MECOM: variants seen among roughly 807,000 people sequenced by gnomAD.
MECOM encodes MDS1 and EVI1 complex locus, also known as histone-lysine N-methyltransferase MECOM.
MECOM carries 13 observed loss-of-function variants against 116.3 expected under a neutral mutation model. The ratio of observed to expected loss-of-function variants is 0.11; its 90% CI spans 0.07 to 0.18. MECOM has a LOEUF of 0.18. Among genes scored for constraint, MECOM ranks in the 10% least tolerant of loss-of-function variants. MECOM has a pLI of 1.00. For synonymous variants in MECOM, 528 were observed against 535.2 expected (o/e 0.99, Z 0.19); for missense variants, 1,299 against 1,509.0 (o/e 0.86, Z 2.31).
chr3:169,087,318 G>T (rs528833660), intron 16 of MECOM, among the ~76,000 whole-genome samples: 54 of 152,206 alleles, frequency 3.5e-4, no homozygotes, highest in African/African-American at 1.2e-3. Context: ...CCATGGCCAG[G>T]TGCAATGGGT....
At chr3:169,513,782 C>A (rs1205751273) in intron 1 of MECOM, among the ~76,000 whole-genome samples, 2 of 152,190 alleles carry the variant, frequency 1.3e-5, no homozygotes, top group East Asian at 1.9e-4. Flanking sequence ...GTCACACTGA[C>A]ACATTAATGG....
intron 2 of MECOM, among the ~76,000 whole-genome samples, chr3:169,270,333 T>C (rs943329644): frequency 6.6e-6 from 1 of 152,146 alleles, no homozygotes; most frequent in Non-Finnish European, 1.5e-5. Context: ...TTGCTCACTT[T>C]CATGGATTAT....
chr3:169,098,231 T>G (rs1038326532), intron 12 of MECOM, among the ~76,000 whole-genome samples: 7 of 152,186 alleles, frequency 4.6e-5, no homozygotes, highest in African/African-American at 1.4e-4. Context: ...TTTTCTCCAG[T>G]GCTCTTTTTC....
At chr3:169,427,296 T>C (rs1007635995) in intron 1 of MECOM, among the ~76,000 whole-genome samples, 3 of 152,152 alleles carry the variant, frequency 2.0e-5, no homozygotes, top group Non-Finnish European at 4.4e-5. Context: ...TAGCTCTTAA[T>C]GTAGTATAAT....
intron 1 of MECOM, among the ~76,000 whole-genome samples, chr3:169,414,960 C>G (rs552081124): frequency 1.3e-5 from 2 of 152,300 alleles, no homozygotes; most frequent in East Asian, 3.9e-4. Flanking sequence ...AAACACACTT[C>G]AGGATATTAT....
chr3:169,323,318 C>T (rs1197761046), intron 2 of MECOM, among the ~76,000 whole-genome samples: 1 of 152,076 alleles, frequency 6.6e-6, no homozygotes, highest in Non-Finnish European at 1.5e-5. Context: ...GTGTGTTTCC[C>T]TTCTAGAGGC....
At chr3:169,275,411 T>C (rs1408290360) in intron 2 of MECOM, among the ~76,000 whole-genome samples, 2 of 152,190 alleles carry the variant, frequency 1.3e-5, no homozygotes, top group East Asian at 3.8e-4. Flanking sequence ...GAAATGGTTA[T>C]CTAGGTGTTG....
intron 9 of MECOM, among the ~76,000 whole-genome samples, chr3:169,109,807 A>G (rs73167910): frequency 0.063 from 9,593 of 152,192 alleles, 448 homozygotes; most frequent in South Asian, 0.2. Flanking sequence ...AATTCAATAT[A>G]TTTTTATTTA....
intron 1 of MECOM, among the ~76,000 whole-genome samples, chr3:169,502,260 G>A (rs186140979): frequency 1.8e-4 from 27 of 152,144 alleles, no homozygotes; most frequent in Admixed American, 9.2e-4. Context: ...TCCTTTCTGT[G>A]AACTTGATGC....
chr3:169,093,430 G>T (rs1037849148), intron 13 of MECOM, among the ~76,000 whole-genome samples: 2 of 152,156 alleles, frequency 1.3e-5, no homozygotes, highest in Non-Finnish European at 2.9e-5. Context: ...GACAAATTAT[G>T]AACAAGTTTT....
intron 1 of MECOM, among the ~76,000 whole-genome samples, chr3:169,649,409 C>CAAAAAAAAA (rs71634436): frequency 0.24 from 17,277 of 73,336 alleles, 3,025 homozygotes; most frequent in East Asian, 0.37. Flanking sequence ...AACTCCATCT[C>CAAAAAAAAA]AAAAAAAAAA....
chr3:169,474,371 A>G (rs1230300663), intron 1 of MECOM, among the ~76,000 whole-genome samples: 2 of 152,178 alleles, frequency 1.3e-5, no homozygotes, highest in Admixed American at 6.5e-5. Context: ...CCTTTTTTCA[A>G]TATACGGTTT....
rs1285465863 is a variant in MECOM at position 169,389,566 on chromosome 3, G to A, written c.38-8042C>T. Reference sequence around the variant, plus strand: ...ACTTTTAGCAACCTCTGATGGACCTGATGGGCTTTTTCTTCATAAGCTTTC... The same window carrying A: ...ACTTTTAGCAACCTCTGATGGACCTAATGGGCTTTTTCTTCATAAGCTTTC... On this transcript the variant is annotated intron_variant, in intron 1 of 16. Transcript: ENST00000651503. 4 of 985,270 alleles carry A rather than the reference G, an allele frequency of 4.1e-6. No individual in the cohort carries two copies. The African/African-American group carries it at 7.0e-5, about 17-fold the overall frequency. 61.0% of individuals were successfully genotyped at this position (985,270 alleles called of 1,614,324 possible).
At chr3:169,470,381 A>G (rs1340888802) in intron 1 of MECOM, among the ~76,000 whole-genome samples, 1 of 152,232 alleles carries the variant, frequency 6.6e-6, no homozygotes, top group African/African-American at 2.4e-5. Flanking sequence ...GTCTAATGGA[A>G]GAGAGAAAAA....
intron 1 of MECOM, among the ~76,000 whole-genome samples, chr3:169,565,429 C>G (rs960817169): frequency 6.6e-6 from 1 of 152,180 alleles, no homozygotes; most frequent in Admixed American, 6.5e-5. Context: ...CACTCACTGT[C>G]TTCTCACCAT....
chr3:169,088,271 A>T (rs1038182489), intron 16 of MECOM, among the ~76,000 whole-genome samples: 10 of 152,204 alleles, frequency 6.6e-5, no homozygotes, highest in African/African-American at 2.2e-4. Flanking sequence ...TGGATGTCAA[A>T]CAAAAAAGTA....
intron 2 of MECOM, among the ~76,000 whole-genome samples, chr3:169,157,603 GT>G (rs1742182022): frequency 6.6e-6 from 1 of 152,186 alleles, no homozygotes; most frequent in Non-Finnish European, 1.5e-5. Flanking sequence ...GATTTCAACT[GT>G]AGCTTTGAAA....
chr3:169,220,594 C>A (rs1219969786), intron 2 of MECOM, among the ~76,000 whole-genome samples: 1 of 152,074 alleles, frequency 6.6e-6, no homozygotes, highest in East Asian at 1.9e-4. Flanking sequence ...CCTGCCCCAG[C>A]CCCCCAAGTA....
chr3:169,608,086 G>A (rs999518283), intron 1 of MECOM, among the ~76,000 whole-genome samples: 4 of 152,112 alleles, frequency 2.6e-5, no homozygotes, highest in African/African-American at 9.7e-5. Context: ...TCACTGATCC[G>A]ATCCAGTGCC....
Sources: allele counts gnomAD v4.1 joint callset (sites outside exome capture counted in the v4.1 genomes callset), GRCh38; gene constraint gnomAD v4.1.1; transcripts MANE v1.5; gene names NCBI Gene and HGNC (gene_info 2026-07-23, HGNC 2026-07-21).